Variants in TNRC6B observed in about 807,000 individuals in gnomAD.
TNRC6B encodes trinucleotide repeat containing adaptor 6B.
A neutral mutation model predicts 203.6 loss-of-function variants in TNRC6B; 52 were observed. The observed-to-expected ratio is 0.26, with a 90% CI of 0.20 to 0.32. The LOEUF is 0.32. Ranked by LOEUF, TNRC6B falls within the 10% of genes least tolerant of loss-of-function variation. TNRC6B has a pLI of 1.00. For synonymous variants in TNRC6B, 838 were observed against 845.7 expected, an observed-to-expected ratio of 0.99 and a Z score of 0.16; for missense variants, 1,923 against 2,286.2, an observed-to-expected ratio of 0.84 and a Z score of 3.24.
chr22:40,117,448 A>AC lies in TNRC6B; in HGVS notation c.-47+320_-47+321insC, dbSNP rs1283286944. ...TTCCCTGCTGCGGTCTGTAGTCCAC[A>AC]TTACTGCCAGGGTTCACTTTCTGAA... On this transcript the variant is annotated intron_variant, in intron 2 of 23. Transcript: ENST00000301923. Among the ~76,000 whole-genome samples, 153 of 152,212 alleles carry AC rather than the reference A, an allele frequency of 1.0e-3. 1 individual carries two copies. Among genetic ancestry groups the AC allele is most frequent in the Non-Finnish European group, 1.5e-3 (103 of 68,018 alleles).
chr22:40,313,223 A>G (rs1443377051), intron 19 of TNRC6B, among the ~76,000 whole-genome samples: 2 of 152,200 alleles, frequency 1.3e-5, no homozygotes. Context: ...CGGTAGTGAC[A>G]TAACTGCAGG....
intron 1 of TNRC6B, among the ~76,000 whole-genome samples, chr22:40,208,449 ATT>A (rs796196845): frequency 2.6e-5 from 4 of 152,350 alleles, no homozygotes; most frequent in African/African-American, 9.6e-5. Flanking sequence ...TACTCTTTAC[ATT>A]TACATGAATT....
intron 1 of TNRC6B, 120 bp downstream of exon 1, chr22:40,178,260 T>C: frequency 8.3e-7 from 1 of 1,197,724 alleles, no homozygotes; most frequent in African/African-American, 1.5e-5. Context: ...TTCAGACATT[T>C]CGTGGATCTG....
chr22:40,268,804 C>T (rs1487808197), intron 5 of TNRC6B, among the ~76,000 whole-genome samples: 3 of 151,692 alleles, frequency 2.0e-5, no homozygotes, highest in Admixed American at 6.6e-5. Flanking sequence ...CCCAGCTACT[C>T]GGGAGGCTGA....
intron 12 of TNRC6B, among the ~76,000 whole-genome samples, chr22:40,291,183 C>T (rs2070865292): frequency 6.6e-6 from 1 of 152,038 alleles, no homozygotes; most frequent in African/African-American, 2.4e-5. Context: ...CCCAGGAGTT[C>T]AAGACCAGCC....
At chr22:40,193,195 C>T (rs1392484670) in intron 1 of TNRC6B, among the ~76,000 whole-genome samples, 1 of 152,154 alleles carries the variant, frequency 6.6e-6, no homozygotes, top group Non-Finnish European at 1.5e-5. Flanking sequence ...GGCAAAGTCT[C>T]CTCAAGGGTT....
chr22:40,234,571 C>G (rs759041377), intron 1 of TNRC6B, among the ~76,000 whole-genome samples: 4 of 152,136 alleles, frequency 2.6e-5, no homozygotes, highest in Non-Finnish European at 4.4e-5. Context: ...CATTGCTTTA[C>G]ACAGCCTCAG....
In TNRC6B at chr22:40,126,829, A is replaced by C. The variant is rs368243971; in HGVS notation, c.45+967A>C. Among the ~76,000 whole-genome samples the C allele has an allele frequency of 4.0e-4, 60 of 149,400 alleles. 1 individual carries two copies. The South Asian group carries it at 9.7e-3, about 24-fold the overall frequency. On this transcript the variant is annotated intron_variant, in intron 3 of 23. Transcript: ENST00000301923. ...TGGTCTCACACTTCTGATCTCAAGC[A>C]CTCCACCCACCTAGGTCTTCCAAAG...
intron 1 of TNRC6B, chr22:40,106,535 C>G: frequency 2.7e-6 from 2 of 734,908 alleles, no homozygotes; most frequent in Non-Finnish European, 2.5e-6. Context: ...ACCAAGAGAT[C>G]GAGCAATCAA....
chr22:40,191,643 G>C (rs1185588023), intron 1 of TNRC6B, among the ~76,000 whole-genome samples: 1 of 152,172 alleles, frequency 6.6e-6, no homozygotes, highest in Non-Finnish European at 1.5e-5. Context: ...GTGCAATAGT[G>C]TGATCATAGC....
At chr22:40,179,679 G>A (rs898403419) in intron 1 of TNRC6B, among the ~76,000 whole-genome samples, 1 of 152,142 alleles carries the variant, frequency 6.6e-6, no homozygotes. Context: ...GGGCCTGAAA[G>A]TGTTAAAAAA....
intron 1 of TNRC6B, among the ~76,000 whole-genome samples, chr22:40,115,241 T>C (rs2068376584): frequency 6.6e-6 from 1 of 152,234 alleles, no homozygotes; most frequent in Non-Finnish European, 1.5e-5. Flanking sequence ...TTTGGACTAA[T>C]GATAGATCCA....
At chr22:40,097,094 G>A (rs991088408) in intron 1 of TNRC6B, among the ~76,000 whole-genome samples, 4 of 152,196 alleles carry the variant, frequency 2.6e-5, no homozygotes, top group African/African-American at 9.7e-5. Context: ...TGGCATAGCT[G>A]AACCATCCTT....
intron 15 of TNRC6B, among the ~76,000 whole-genome samples, chr22:40,303,450 A>G (rs1012220445): frequency 6.6e-6 from 1 of 152,208 alleles, no homozygotes; most frequent in Non-Finnish European, 1.5e-5. Context: ...AAATTTAGCT[A>G]TGCATTATAT....
chr22:40,091,756 G>T (rs1034801742), intron 1 of TNRC6B, among the ~76,000 whole-genome samples: 1 of 152,012 alleles, frequency 6.6e-6, no homozygotes. Context: ...TTAAGCTGAC[G>T]ATGGGAACTT....
chr22:40,092,402 A>C (rs76155364), intron 1 of TNRC6B, among the ~76,000 whole-genome samples: 1 of 124,788 alleles, frequency 8.0e-6, no homozygotes, highest in Non-Finnish European at 1.7e-5. Flanking sequence ...ACTCTGTCTC[A>C]AAAAAAAAAA....
chr22:40,059,709 T>A (rs533356118), intron 1 of TNRC6B, among the ~76,000 whole-genome samples: 3 of 152,270 alleles, frequency 2.0e-5, no homozygotes, highest in African/African-American at 7.2e-5. Flanking sequence ...TAAAATATGT[T>A]TTTTCTTTTT....
At chr22:40,311,043 T>G in intron 17 of TNRC6B, 50 bp downstream of exon 17, 3 of 1,549,762 alleles carry the variant, frequency 1.9e-6, no homozygotes, top group Non-Finnish European at 2.6e-6. Flanking sequence ...TTTGTAATTG[T>G]CAGTTTCAGG....
intron 3 of TNRC6B, among the ~76,000 whole-genome samples, chr22:40,152,483 C>T (rs112555009): frequency 0.021 from 3,201 of 152,256 alleles, 70 homozygotes; most frequent in African/African-American, 0.057. Context: ...CCCACCACCA[C>T]GCCCGGCTAA....
Sources: allele counts gnomAD v4.1 joint callset (sites outside exome capture counted in the v4.1 genomes callset), GRCh38; gene constraint gnomAD v4.1.1; transcripts MANE v1.5; gene names NCBI Gene and HGNC (gene_info 2026-07-23, HGNC 2026-07-21).